The following CCBE1 variants were observed in gnomAD, a reference collection of about 807,000 sequenced individuals.
CCBE1 encodes collagen and calcium-binding EGF domain-containing protein 1.
In CCBE1, 37 loss-of-function variants were observed where a neutral mutation model predicts 50.0. The ratio of observed to expected loss-of-function variants is 0.74; its 90% CI spans 0.57 to 0.97. The LOEUF (loss-of-function observed/expected upper bound fraction) is 0.97, where lower values mean the gene tolerates loss of function less well. CCBE1 is among the 50% of genes least tolerant of loss of function. The pLI is 0.00. For missense variants in CCBE1, 538 were observed against 523.8 expected (o/e 1.03, Z -0.26); for synonymous variants, 234 against 203.7 (o/e 1.15, Z -1.27).
chr18:59,471,127 C>T (rs769844454), intron 3 of CCBE1, among the ~76,000 whole-genome samples: 1 of 152,180 alleles, frequency 6.6e-6, no homozygotes, highest in African/African-American at 2.4e-5. Flanking sequence ...GCCACCATTC[C>T]GCAGCAGCTG....
chr18:59,512,261 C>T (rs549183757), intron 2 of CCBE1, among the ~76,000 whole-genome samples: 1 of 152,226 alleles, frequency 6.6e-6, no homozygotes, highest in Non-Finnish European at 1.5e-5. Context: ...CTGGTTAACA[C>T]AAGCCACCTA....
intron 2 of CCBE1, 145 bp downstream of exon 2, chr18:59,696,484 G>C (rs1283263360): frequency 6.5e-5 from 98 of 1,517,370 alleles, no homozygotes; most frequent in Non-Finnish European, 8.0e-5. Flanking sequence ...TCAAAGATTC[G>C]CACCGCGCGG....
At chr18:59,581,130 T>A (rs890447403) in intron 2 of CCBE1, among the ~76,000 whole-genome samples, 1 of 152,176 alleles carries the variant, frequency 6.6e-6, no homozygotes, top group African/African-American at 2.4e-5. Flanking sequence ...GACAGAGTTT[T>A]ATTCTTGTGG....
intron 2 of CCBE1, among the ~76,000 whole-genome samples, chr18:59,642,053 G>C (rs2043041): frequency 0.43 from 65,999 of 152,170 alleles, 15,490 homozygotes; most frequent in African/African-American, 0.61. Context: ...TAAAATCGAT[G>C]ACATTAAAAT....
chr18:59,539,596 A>G (rs1307306546), intron 2 of CCBE1, among the ~76,000 whole-genome samples: 1 of 152,230 alleles, frequency 6.6e-6, no homozygotes, highest in Non-Finnish European at 1.5e-5. Context: ...GCATTTTGTT[A>G]TGCAGCAATA....
intron 2 of CCBE1, among the ~76,000 whole-genome samples, chr18:59,557,914 A>G (rs527904763): frequency 3.3e-5 from 5 of 152,352 alleles, no homozygotes; most frequent in African/African-American, 1.2e-4. Context: ...TACCTTTATT[A>G]AACTACGCAT....
intron 2 of CCBE1, among the ~76,000 whole-genome samples, chr18:59,548,611 C>G (rs1467048566): frequency 6.6e-6 from 1 of 152,096 alleles, no homozygotes. Context: ...ACCAACTGAC[C>G]AACCCATTGC....
intron 2 of CCBE1, among the ~76,000 whole-genome samples, chr18:59,572,759 A>G (rs1409614872): frequency 6.6e-6 from 1 of 152,192 alleles, no homozygotes; most frequent in African/African-American, 2.4e-5. Context: ...TCACAAGAAT[A>G]AACTATGACT....
chr18:59,585,405 C>T (rs1293315030), intron 2 of CCBE1, among the ~76,000 whole-genome samples: 1 of 152,100 alleles, frequency 6.6e-6, no homozygotes, highest in East Asian at 1.9e-4. Flanking sequence ...ACCAAGACTG[C>T]AGGCTCCTGA....
chr18:59,655,364 C>T (rs1599106161), intron 2 of CCBE1, among the ~76,000 whole-genome samples: 1 of 152,076 alleles, frequency 6.6e-6, no homozygotes, highest in Non-Finnish European at 1.5e-5. Context: ...CTGGCTGGGG[C>T]AATGTCAGGA....
At chr18:59,546,448 G>GA (rs1915685869) in intron 2 of CCBE1, among the ~76,000 whole-genome samples, 6 of 152,222 alleles carry the variant, frequency 3.9e-5, no homozygotes, top group Admixed American at 3.9e-4. Context: ...ATAAGGGTTT[G>GA]TACAGTGGGG....
intron 2 of CCBE1, among the ~76,000 whole-genome samples, chr18:59,692,098 T>C (rs2054740686): frequency 6.6e-6 from 1 of 152,160 alleles, no homozygotes; most frequent in African/African-American, 2.4e-5. Flanking sequence ...TGCAAACGAG[T>C]GATGTTTCTG....
chr18:59,551,025 A>AAAAAGAAAAG (rs1568201646), intron 2 of CCBE1, among the ~76,000 whole-genome samples: 29 of 114,852 alleles, frequency 2.5e-4, no homozygotes, highest in African/African-American at 7.5e-4. Flanking sequence ...AAAAAAAAAA[A>AAAAAGAAAAG]AAAAGAAAAG....
At chr18:59,606,167 C>T (rs1004744152) in intron 2 of CCBE1, among the ~76,000 whole-genome samples, 1 of 152,132 alleles carries the variant, frequency 6.6e-6, no homozygotes, top group African/African-American at 2.4e-5. Context: ...AAAAATGCTT[C>T]GGACAAAGGC....
chr18:59,580,052 T>A (rs909437586), intron 2 of CCBE1, among the ~76,000 whole-genome samples: 1 of 152,110 alleles, frequency 6.6e-6, no homozygotes, highest in East Asian at 1.9e-4. Flanking sequence ...AGGGAAAAGT[T>A]TGGGTCTAAG....
intron 2 of CCBE1, among the ~76,000 whole-genome samples, chr18:59,512,977 G>A (rs1243259485): frequency 4.6e-5 from 7 of 152,218 alleles, no homozygotes; most frequent in African/African-American, 1.4e-4. Flanking sequence ...TTTGGAGGAT[G>A]TGTGGTTTTC....
intron 2 of CCBE1, among the ~76,000 whole-genome samples, chr18:59,487,591 A>T (rs1912883670): frequency 6.6e-6 from 1 of 152,144 alleles, no homozygotes; most frequent in Non-Finnish European, 1.5e-5. Context: ...TACAGCAACC[A>T]CTAAGATAAA....
At chr18:59,562,615 C>T (rs764410930) in intron 2 of CCBE1, among the ~76,000 whole-genome samples, 7 of 152,200 alleles carry the variant, frequency 4.6e-5, no homozygotes, top group South Asian at 2.1e-4. Context: ...ACGTTCTGGC[C>T]GGAATCCAGG....
intron 5 of CCBE1, chr18:59,462,641 C>T (rs1911544244): frequency 6.6e-6 from 1 of 152,108 alleles, no homozygotes; most frequent in Non-Finnish European, 1.5e-5. Context: ...ACCCTGGCCT[C>T]CCAAAGTGCC....
Sources: gnomAD v4.1 joint callset for allele counts (sites outside exome capture counted in the v4.1 genomes callset) on GRCh38, gnomAD v4.1.1 for gene constraint, MANE v1.5 for transcripts, NCBI Gene and HGNC (gene_info 2026-07-23, HGNC 2026-07-21) for gene names.